The following ANKFN1 variants were observed in gnomAD, a reference collection of about 807,000 sequenced individuals.
The protein encoded by ANKFN1 is ankyrin repeat and fibronectin type III domain containing 1.
In ANKFN1, 74 loss-of-function variants were observed where a neutral mutation model predicts 108.7. That is an observed-to-expected ratio of 0.68 (90% CI 0.56 to 0.83). ANKFN1 has a LOEUF of 0.83. Among genes scored for constraint, ANKFN1 ranks in the 40% least tolerant of loss-of-function variants. The probability of loss-of-function intolerance (pLI) is 0.00; values close to 1 mark genes in which losing one functional copy is unlikely to be tolerated. For synonymous variants in ANKFN1, 547 were observed against 516.2 expected, an observed-to-expected ratio of 1.06 and a Z score of -0.81; for missense variants, 1,505 against 1,382.3, an observed-to-expected ratio of 1.09 and a Z score of -1.41.
rs186119831 is a variant in ANKFN1 at position 56,258,737 on chromosome 17, C to G, written c.53+30780C>G. 1.6e-3 allele frequency among the ~76,000 whole-genome samples: 245 copies of G among 152,054 alleles called. 1 individual carries two copies. The highest frequency in any genetic ancestry group is 5.7e-3 in the African/African-American group (237 of 41,482). On this transcript the variant is annotated intron_variant, in intron 3 of 20. Transcript: ENST00000682825. ...CATCCTGGCTAACACGGTGAAACCC[C>G]GTCTCTATAAAAATACCAAAAAAAT...
intron 3 of ANKFN1, among the ~76,000 whole-genome samples, chr17:56,231,385 C>G (rs1916724407): frequency 6.6e-6 from 1 of 152,140 alleles, no homozygotes; most frequent in African/African-American, 2.4e-5. Context: ...CAGAGGAGGT[C>G]TATGGCCAGC....
chr17:56,199,432 A>G (rs1470441218), intron 1 of ANKFN1, among the ~76,000 whole-genome samples: 1 of 152,104 alleles, frequency 6.6e-6, no homozygotes, highest in Admixed American at 6.5e-5. Context: ...CCAATACGCA[A>G]AGGTCATGCT....
chr17:56,337,496 G>C (rs1360734807), intron 4 of ANKFN1, among the ~76,000 whole-genome samples: 1 of 151,938 alleles, frequency 6.6e-6, no homozygotes. Context: ...GCTTCTGCAC[G>C]GCAAAAGAAA....
intron 17 of ANKFN1, among the ~76,000 whole-genome samples, chr17:56,481,952 T>C (rs911647800): frequency 5.9e-5 from 9 of 152,178 alleles, no homozygotes; most frequent in Admixed American, 6.5e-5. Flanking sequence ...ATACAACTTT[T>C]TTTTTTTTTG....
chr17:56,092,266 A>ATTTTTTTTTTTT (rs748898792), intron 4 of ANKFN1, among the ~76,000 whole-genome samples: 2 of 111,380 alleles, frequency 1.8e-5, no homozygotes, highest in African/African-American at 8.0e-5. Context: ...GTGAGGTAGT[A>ATTTTTTTTTTTT]TTTTTTTTTT....
At chr17:56,333,394 C>T (rs756624920) in intron 4 of ANKFN1, among the ~76,000 whole-genome samples, 8 of 152,010 alleles carry the variant, frequency 5.3e-5, no homozygotes, top group Admixed American at 3.9e-4. Context: ...AATCCAATTG[C>T]TTTTTATGAA....
At chr17:56,484,371 A>G (rs370878042) in intron 18 of ANKFN1, among the ~76,000 whole-genome samples, 4 of 152,332 alleles carry the variant, frequency 2.6e-5, no homozygotes, top group South Asian at 4.1e-4. Flanking sequence ...AGAAAAAAAA[A>G]GAAAGAAATA....
chr17:56,341,294 C>T (rs1416366649), intron 4 of ANKFN1, among the ~76,000 whole-genome samples: 3 of 151,968 alleles, frequency 2.0e-5, no homozygotes, highest in Admixed American at 2.0e-4. Context: ...AATGCCCTTT[C>T]TTTCTTTCTG....
chr17:56,206,535 G>A (rs940706343), intron 1 of ANKFN1: 1 of 152,170 alleles, frequency 6.6e-6, no homozygotes, highest in Non-Finnish European at 1.5e-5. Flanking sequence ...GAAAGTACCG[G>A]GCCCACACTG....
intron 6 of ANKFN1, among the ~76,000 whole-genome samples, chr17:56,369,431 A>C (rs2144755286): frequency 1.3e-5 from 2 of 152,344 alleles, no homozygotes; most frequent in South Asian, 4.1e-4. Context: ...ATTGTAAAAA[A>C]AAAATGCCCC....
At chr17:56,352,221 T>G (rs186556077) in intron 5 of ANKFN1, among the ~76,000 whole-genome samples, 1 of 152,342 alleles carries the variant, frequency 6.6e-6, no homozygotes, top group East Asian at 1.9e-4. Context: ...CAAAATAGCT[T>G]TATTCCCTGG....
At chr17:56,226,172 T>C (rs1455006539) in intron 2 of ANKFN1, among the ~76,000 whole-genome samples, 1 of 152,082 alleles carries the variant, frequency 6.6e-6, no homozygotes, top group Non-Finnish European at 1.5e-5. Flanking sequence ...GTGTTCCAGT[T>C]AGTGCCACAT....
intron 3 of ANKFN1, among the ~76,000 whole-genome samples, chr17:56,233,870 G>T (rs1346092226): frequency 6.6e-6 from 1 of 151,996 alleles, no homozygotes; most frequent in Non-Finnish European, 1.5e-5. Context: ...TAATGAGTAA[G>T]ACAAAAATGA....
At chr17:56,368,155 A>T (rs1251584897) in intron 6 of ANKFN1, 7 of 1,354,544 alleles carry the variant, frequency 5.2e-6, no homozygotes, top group Non-Finnish European at 5.9e-6. Context: ...GACACCACTG[A>T]CTGATCCAGA....
At position 56,511,328 on chromosome 17, in the gene ANKFN1, T is replaced by G. The variant is rs2051764544; in HGVS notation, c.*59T>G. On this transcript the variant is annotated 3_prime_UTR_variant, in exon 21 of 21. Transcript: ENST00000682825. The stretch of plus-strand genomic sequence containing the variant: ...CTGCTACCTGCGTTTTACATCACCC[T>G]TACCCCCATCCTGCCCCACTGTGTA... 1 of 1,423,514 alleles carries G rather than the reference T, an allele frequency of 7.0e-7. No homozygotes were observed. Among genetic ancestry groups the G allele is most frequent in the African/African-American group, 1.4e-5 (1 of 70,280 alleles). The allele number at this position is 1,423,514 out of a possible 1,614,324, so 88.2% of individuals were successfully genotyped here. A position where few individuals can be genotyped will look rare whatever the true frequency, so the allele number is the denominator to read the frequency against.
At chr17:56,060,071 G>C (rs1293708202) in intron 4 of ANKFN1, among the ~76,000 whole-genome samples, 1 of 152,204 alleles carries the variant, frequency 6.6e-6, no homozygotes, top group Non-Finnish European at 1.5e-5. Context: ...AGGATGGAAT[G>C]TTTTTCCATT....
At chr17:56,091,418 T>A (rs1188413768) in intron 4 of ANKFN1, among the ~76,000 whole-genome samples, 2 of 136,826 alleles carry the variant, frequency 1.5e-5, no homozygotes, top group African/African-American at 5.4e-5. Context: ...TCCAAACAAA[T>A]CACACACACA....
chr17:56,410,811 T>C (rs1376490013), intron 8 of ANKFN1, among the ~76,000 whole-genome samples: 1 of 152,200 alleles, frequency 6.6e-6, no homozygotes, highest in Non-Finnish European at 1.5e-5. Context: ...CCTAGCATCT[T>C]TGTCAAAAGT....
rs192200138 is a variant in ANKFN1 at position 56,271,568 on chromosome 17, T to C, written c.53+43611T>C. On this transcript the variant is annotated intron_variant, in intron 3 of 20. Transcript: ENST00000682825. ...AGCAGACCTAGAAGAACCCCATTTC[T>C]GTCTTGGATAAGGTAGTATCGATGC... Among the ~76,000 whole-genome samples the C allele has an allele frequency of 4.0e-3, 602 of 152,344 alleles. 7 individuals carry two copies. The highest frequency in any genetic ancestry group is 7.1e-3 in the Non-Finnish European group (480 of 68,030).
Sources: gnomAD v4.1 joint callset for allele counts (sites outside exome capture counted in the v4.1 genomes callset) on GRCh38, gnomAD v4.1.1 for gene constraint, MANE v1.5 for transcripts, NCBI Gene and HGNC (gene_info 2026-07-23, HGNC 2026-07-21) for gene names.